The following CD226 variants were observed in gnomAD, a reference collection of about 807,000 sequenced individuals.
CD226 encodes CD226 molecule, also known as CD226 antigen.
In CD226, 24 loss-of-function variants were observed where a neutral mutation model predicts 34.9. That is an observed-to-expected ratio of 0.69 (90% CI 0.50 to 0.97). The LOEUF (loss-of-function observed/expected upper bound fraction) is 0.97, where lower values mean the gene tolerates loss of function less well. Among genes scored for constraint, CD226 ranks in the 50% least tolerant of loss-of-function variants. CD226 has a pLI of 0.00. For synonymous variants in CD226, 148 were observed against 147.4 expected (o/e 1.00, Z -0.03); for missense variants, 397 against 412.7 (o/e 0.96, Z 0.33).
upstream of CD226, among the ~76,000 whole-genome samples, chr18:69,961,064 A>G (rs915985808): frequency 2.0e-5 from 3 of 152,234 alleles, no homozygotes; most frequent in Non-Finnish European, 4.4e-5. Context: ...AACAGAAAAG[A>G]ATTTAATAAG....
At chr18:69,950,131 ATC>A (rs1045429360), upstream of CD226, among the ~76,000 whole-genome samples, 7 of 149,620 alleles carry the variant, frequency 4.7e-5, no homozygotes, top group African/African-American at 9.8e-5. Context: ...TGCACACACA[ATC>A]TCACACAATC....
At chr18:69,958,763 C>G (rs922176762), upstream of CD226, among the ~76,000 whole-genome samples, 3 of 148,266 alleles carry the variant, frequency 2.0e-5, no homozygotes, top group African/African-American at 5.0e-5. Context: ...TTCATGGTCA[C>G]TCCCTAATTC....
intron 2 of CD226, among the ~76,000 whole-genome samples, chr18:69,918,324 A>T (rs1350727352): frequency 6.6e-6 from 1 of 152,170 alleles, no homozygotes; most frequent in South Asian, 2.1e-4. Flanking sequence ...AGGCCGAGGC[A>T]GGTGGATCAC....
In CD226 at chr18:69,861,542, GTATATATATATGTATA is replaced by G. The variant is rs1220035786; in HGVS notation, c.*2756_*2771del. 7.2e-5 allele frequency: 3 copies of G among 41,524 alleles called. No individual in the cohort carries two copies. Among genetic ancestry groups the G allele is most frequent in the Non-Finnish European group, 2.0e-4 (3 of 15,314 alleles). 2.6% of individuals were successfully genotyped at this position (41,524 alleles called of 1,614,324 possible). On this transcript the variant is annotated 3_prime_UTR_variant, in exon 6 of 6. Coordinates refer to ENST00000582621, the MANE Select transcript of CD226 (RefSeq NM_001303618.2). ...TTATCCATCGATATAAATTATATGT[GTATATATATATGTATA>G]TATATATATATATATGTAAAACTTA...
chr18:69,922,858 T>G (rs577814445), intron 2 of CD226, among the ~76,000 whole-genome samples: 1 of 152,276 alleles, frequency 6.6e-6, no homozygotes, highest in Non-Finnish European at 1.5e-5. Context: ...TGGCCAGGCT[T>G]GGTGGCTCAT....
At chr18:69,885,015 A>G (rs1568168307) in intron 3 of CD226, among the ~76,000 whole-genome samples, 2 of 151,976 alleles carry the variant, frequency 1.3e-5, no homozygotes, top group Non-Finnish European at 2.9e-5. Flanking sequence ...GGTAGGGAGG[A>G]GATTTTGTTT....
chr18:69,957,534 G>T (rs1427994253), upstream of CD226, among the ~76,000 whole-genome samples: 1 of 152,122 alleles, frequency 6.6e-6, no homozygotes, highest in Non-Finnish European at 1.5e-5. Flanking sequence ...GAGGTTCCCT[G>T]CTGGTTAAAC....
At chr18:69,935,161 T>C (rs529507631) in intron 2 of CD226, among the ~76,000 whole-genome samples, 2 of 152,378 alleles carry the variant, frequency 1.3e-5, no homozygotes, top group East Asian at 3.8e-4. Context: ...TTTTGGACTT[T>C]CTTCAGTTAC....
At chr18:69,937,245 T>C (rs2055665808) in intron 2 of CD226, among the ~76,000 whole-genome samples, 1 of 152,190 alleles carries the variant, frequency 6.6e-6, no homozygotes, top group Admixed American at 6.5e-5. Context: ...TTAGAGGTTT[T>C]TGGTGTTTTG....
intron 3 of CD226, among the ~76,000 whole-genome samples, chr18:69,889,067 G>A (rs1207767254): frequency 3.3e-5 from 5 of 151,468 alleles, no homozygotes; most frequent in Non-Finnish European, 7.4e-5. Context: ...AAATGATCTG[G>A]GCAGAGGCAA....
rs372569915 is a variant in CD226 at position 69,946,981 on chromosome 18, T to G, written c.135A>C (p.Leu45Phe). 1 of 1,614,044 alleles carries G rather than the reference T, an allele frequency of 6.2e-7. No individual in the cohort carries two copies. The highest frequency in any genetic ancestry group is 1.3e-5 in the African/African-American group (1 of 74,912). ...CGATCTTGAACCACTCCACCTGTGT[T>G]AAGATGCCCATTGATGGATACACAC... ...LECVYPSMGI[L>F]TQVEWFKIGT... Residue 45 changes from leucine to phenylalanine, a missense_variant, in exon 2 of 6, where the codon TTA (leucine) becomes TTC (phenylalanine). Physicochemically the swap from Leu to Phe is conservative, Grantham distance 22. Transcript: ENST00000582621.
intron 3 of CD226, among the ~76,000 whole-genome samples, chr18:69,894,919 C>T (rs569660779): frequency 1.3e-5 from 2 of 151,992 alleles, no homozygotes; most frequent in East Asian, 3.9e-4. Context: ...CAATGAAAGG[C>T]TTCATTGTGA....
intron 2 of CD226, among the ~76,000 whole-genome samples, chr18:69,935,484 T>C (rs1360974665): frequency 1.3e-5 from 2 of 152,178 alleles, no homozygotes; most frequent in African/African-American, 2.4e-5. Flanking sequence ...TCCACAGTTA[T>C]TTGACAGGCA....
At chr18:69,947,899 G>A (rs2055813519), upstream of CD226, 1 of 152,348 alleles carries the variant, frequency 6.6e-6, no homozygotes, top group East Asian at 1.9e-4. Context: ...GGCAGAGGCT[G>A]AAGTGGGCGG....
chr18:69,891,137 A>G (rs1459999630), intron 3 of CD226, among the ~76,000 whole-genome samples: 1 of 152,158 alleles, frequency 6.6e-6, no homozygotes, highest in Non-Finnish European at 1.5e-5. Flanking sequence ...ATTCTAATCA[A>G]TTCTGATTTA....
At chr18:69,871,612 G>A (rs74325159) in intron 4 of CD226, among the ~76,000 whole-genome samples, 90 of 152,224 alleles carry the variant, frequency 5.9e-4, no homozygotes, top group Non-Finnish European at 1.1e-3. Context: ...AGCTCACAGA[G>A]GGGACAGGTG....
At chr18:69,958,006 A>C (rs949443669), upstream of CD226, among the ~76,000 whole-genome samples, 4 of 152,142 alleles carry the variant, frequency 2.6e-5, no homozygotes, top group African/African-American at 9.7e-5. Context: ...ACAATGCTCT[A>C]ATGGGGCAGG....
intron 2 of CD226, among the ~76,000 whole-genome samples, chr18:69,931,858 G>A (rs902642517): frequency 5.9e-5 from 9 of 151,992 alleles, no homozygotes; most frequent in African/African-American, 2.2e-4. Flanking sequence ...AGTTTGCTAG[G>A]GCTGCCATAA....
At chr18:69,955,999 C>T (rs993791267) in intron 1 of CD226, among the ~76,000 whole-genome samples, 6 of 152,118 alleles carry the variant, frequency 3.9e-5, no homozygotes, top group Non-Finnish European at 7.3e-5. Flanking sequence ...ACCCTTAGAA[C>T]CTTGGCAAGT....
Sources: gnomAD v4.1 joint callset for allele counts (sites outside exome capture counted in the v4.1 genomes callset) on GRCh38, gnomAD v4.1.1 for gene constraint, MANE v1.5 for transcripts, NCBI Gene and HGNC (gene_info 2026-07-23, HGNC 2026-07-21) for gene names.